Variants in MYCBP2 observed in about 807,000 individuals in gnomAD.
The protein encoded by MYCBP2 is E3 ubiquitin-protein ligase MYCBP2.
MYCBP2 carries 120 observed loss-of-function variants against 525.3 expected under a neutral mutation model. That is an observed-to-expected ratio of 0.23 (90% CI 0.20 to 0.27). The LOEUF (loss-of-function observed/expected upper bound fraction) is 0.27, where lower values mean the gene tolerates loss of function less well. MYCBP2 is among the 10% of genes least tolerant of loss of function. The pLI is 1.00. For synonymous variants in MYCBP2, 1,894 were observed against 1,955.8 expected (o/e 0.97, Z 0.83); for missense variants, 4,149 against 5,657.1 (o/e 0.73, Z 8.55).
chr13:77,091,069 G>A (rs2045328076), intron 59 of MYCBP2, among the ~76,000 whole-genome samples: 1 of 152,094 alleles, frequency 6.6e-6, no homozygotes, highest in East Asian at 1.9e-4. Flanking sequence ...CTCACCGTTG[G>A]TTCTGGAGTT....
chr13:77,284,308 G>A (rs187501016), intron 3 of MYCBP2, among the ~76,000 whole-genome samples: 2 of 152,202 alleles, frequency 1.3e-5, no homozygotes, highest in Admixed American at 1.3e-4. Context: ...CACTTAGGAG[G>A]AGCAACAGAG....
chr13:77,316,342 C>T (rs968670141), intron 1 of MYCBP2, among the ~76,000 whole-genome samples: 2 of 152,178 alleles, frequency 1.3e-5, no homozygotes, highest in Admixed American at 1.3e-4. Context: ...CCCCGATCAA[C>T]CAGTTCATTC....
chr13:77,055,412 A>C, intron 80 of MYCBP2, 146 bp downstream of exon 80: 1 of 719,862 alleles, frequency 1.4e-6, no homozygotes, highest in Non-Finnish European at 2.2e-6. Context: ...GTTTTACTGG[A>C]AACATTGGGA....
At chr13:77,112,669 C>A (rs540429671) in intron 55 of MYCBP2, among the ~76,000 whole-genome samples, 55 of 152,142 alleles carry the variant, frequency 3.6e-4, no homozygotes, top group Non-Finnish European at 6.9e-4. Flanking sequence ...AAACTCCTGG[C>A]CTCAAGCCAT....
At chr13:77,309,315 TGTGA>T (rs1275417330) in intron 1 of MYCBP2, among the ~76,000 whole-genome samples, 1 of 152,194 alleles carries the variant, frequency 6.6e-6, no homozygotes, top group African/African-American at 2.4e-5. Flanking sequence ...AGAGGCAGTT[TGTGA>T]GTGACAGTAT....
At chr13:77,258,049 A>C (rs1025238950) in intron 13 of MYCBP2, among the ~76,000 whole-genome samples, 10 of 152,316 alleles carry the variant, frequency 6.6e-5, no homozygotes, top group African/African-American at 2.4e-4. Context: ...GACTTGGGAC[A>C]TATCTTTACT....
At chr13:77,195,985 T>A (rs2061716037) in intron 26 of MYCBP2, among the ~76,000 whole-genome samples, 1 of 152,218 alleles carries the variant, frequency 6.6e-6, no homozygotes, top group Admixed American at 6.5e-5. Context: ...TTCTAGAAAT[T>A]GGGCATAAAG....
Position 77,233,225 on chromosome 13 carries a change from GATGGTTC to G in MYCBP2, c.2661_2667del (p.Met887IlefsTer6). On this transcript the variant is annotated frameshift_variant, in exon 18 of 83. Transcript: ENST00000544440. LOFTEE classifies it high-confidence loss of function. ...CTGAGTCTGGCTAGAGCCTGTTCTC[GATGGTTC>G]ATAAAAATAGGACCAGCAAATACAA... is the stretch of plus-strand genomic sequence containing the variant. 6.2e-7 allele frequency: 1 copy of G among 1,613,828 alleles called. No homozygotes were observed. The highest frequency in any genetic ancestry group is 8.5e-7 in the Non-Finnish European group (1 of 1,179,824).
chr13:77,089,361 T>C (rs141153284), intron 60 of MYCBP2, among the ~76,000 whole-genome samples: 23 of 152,296 alleles, frequency 1.5e-4, no homozygotes, highest in Non-Finnish European at 2.8e-4. Context: ...TTCTAAAAGA[T>C]GGCTTTATAA....
At chr13:77,288,466 T>C in intron 2 of MYCBP2, 90 bp from the exon 3 acceptor site, 1 of 1,112,070 alleles carries the variant, frequency 9.0e-7, no homozygotes, top group East Asian at 2.5e-5. Context: ...ACACACTAAC[T>C]GACTTGCAGA....
chr13:77,149,748 C>A (rs529803191), intron 47 of MYCBP2, among the ~76,000 whole-genome samples: 5 of 152,162 alleles, frequency 3.3e-5, no homozygotes, highest in Non-Finnish European at 7.4e-5. Flanking sequence ...ATGTGAATTT[C>A]ATCTTTTATT....
At chr13:77,223,408 T>A (rs528315435) in intron 20 of MYCBP2, among the ~76,000 whole-genome samples, 10 of 152,180 alleles carry the variant, frequency 6.6e-5, no homozygotes, top group Admixed American at 1.3e-4. Flanking sequence ...TCTAATAAAT[T>A]CTTTGCATAT....
chr13:77,236,882 A>G (rs897277475), intron 17 of MYCBP2, among the ~76,000 whole-genome samples: 1 of 152,066 alleles, frequency 6.6e-6, no homozygotes, highest in Non-Finnish European at 1.5e-5. Context: ...AAAATAAATA[A>G]ATAAATAAAT....
intron 26 of MYCBP2, 81 bp from the exon 27 acceptor site, chr13:77,194,325 G>T: frequency 9.6e-7 from 1 of 1,042,886 alleles, no homozygotes; most frequent in Non-Finnish European, 1.5e-6. Context: ...TTTTGTGCAT[G>T]ATGAATGTAT....
chr13:77,094,111 C>A (rs75543926), intron 58 of MYCBP2, among the ~76,000 whole-genome samples: 2,641 of 152,190 alleles, frequency 0.017, 79 homozygotes, highest in African/African-American at 0.057. Context: ...GTTGCTTATT[C>A]ATTTTATTGT....
At chr13:77,122,583 G>C (rs1594736441) in intron 54 of MYCBP2, among the ~76,000 whole-genome samples, 1 of 150,958 alleles carries the variant, frequency 6.6e-6, no homozygotes, top group Non-Finnish European at 1.5e-5. Flanking sequence ...CAGCTACTCA[G>C]AGAGGCTGAG....
chr13:77,208,897 T>C (rs2063663901), intron 23 of MYCBP2, among the ~76,000 whole-genome samples: 1 of 152,180 alleles, frequency 6.6e-6, no homozygotes, highest in Non-Finnish European at 1.5e-5. Flanking sequence ...TTGTTTCTAA[T>C]TACTCAGGCA....
chr13:77,161,760 A>G lies in MYCBP2; in HGVS notation c.6597+146T>C, dbSNP rs541353452. The G allele has an allele frequency of 2.4e-4, 138 of 580,366 alleles. 4 individuals are homozygous for G. The South Asian group carries it at 3.7e-3, about 15-fold the overall frequency. The allele number at this position is 580,366 out of a possible 1,614,324, so 36.0% of individuals were successfully genotyped here. On this transcript the variant is annotated intron_variant, in intron 44 of 82. Coordinates refer to ENST00000544440, the MANE Select transcript of MYCBP2 (RefSeq NM_015057.5). The stretch of plus-strand genomic sequence containing the variant: ...GTTTCTCCCACCAAAGGGAGCAATG[A>G]TAAGTTATTTATCTCTATAATGCCA...
intron 39 of MYCBP2, 134 bp downstream of exon 39, chr13:77,169,480 A>G (rs949270565): frequency 2.4e-5 from 16 of 665,016 alleles, no homozygotes; most frequent in Non-Finnish European, 4.2e-5. Context: ...AATAATTAGC[A>G]GATCTATCTC....
Sources: allele counts gnomAD v4.1 joint callset (sites outside exome capture counted in the v4.1 genomes callset), GRCh38; gene constraint gnomAD v4.1.1; transcripts MANE v1.5; gene names NCBI Gene and HGNC (gene_info 2026-07-23, HGNC 2026-07-21).